Variants in ANK3 observed in about 807,000 individuals in gnomAD.
ANK3 encodes ankyrin-3.
A neutral mutation model predicts 370.9 loss-of-function variants in ANK3; 57 were observed. The ratio of observed to expected loss-of-function variants is 0.15; its 90% CI spans 0.12 to 0.19. ANK3 has a LOEUF of 0.19. Among genes scored for constraint, ANK3 ranks in the 10% least tolerant of loss-of-function variants. The probability of loss-of-function intolerance (pLI) is 1.00; values close to 1 mark genes in which losing one functional copy is unlikely to be tolerated. For missense variants in ANK3, 4,439 were observed against 5,302.1 expected (o/e 0.84, Z 5.06); for synonymous variants, 1,929 against 1,946.3 (o/e 0.99, Z 0.23).
chr10:60,547,549 G>A (rs957311560), intron 2 of ANK3, among the ~76,000 whole-genome samples: 13 of 151,978 alleles, frequency 8.6e-5, no homozygotes, highest in African/African-American at 1.9e-4. Context: ...ACAGGTATGC[G>A]CCACCACGCC....
chr10:60,265,595 G>A (rs551337926), intron 5 of ANK3, among the ~76,000 whole-genome samples: 1 of 151,960 alleles, frequency 6.6e-6, no homozygotes, highest in African/African-American at 2.4e-5. Context: ...CTAGAGAACT[G>A]GCATGCAAGT....
chr10:60,367,248 C>T (rs775986124), intron 1 of ANK3, among the ~76,000 whole-genome samples: 1 of 152,172 alleles, frequency 6.6e-6, no homozygotes, highest in Non-Finnish European at 1.5e-5. Flanking sequence ...TGACATCTGA[C>T]GGAAGACTTG....
intron 25 of ANK3, among the ~76,000 whole-genome samples, chr10:60,122,705 A>G (rs1390924417): frequency 6.6e-6 from 1 of 152,190 alleles, no homozygotes; most frequent in Admixed American, 6.6e-5. Flanking sequence ...GAATTATCAT[A>G]ATGTCTCCTT....
chr10:60,228,301 C>T (rs377725404), intron 8 of ANK3, among the ~76,000 whole-genome samples: 7 of 152,032 alleles, frequency 4.6e-5, no homozygotes, highest in East Asian at 1.9e-4. Flanking sequence ...TTTGGGAGGC[C>T]GAGGTGGGCG....
intron 2 of ANK3, among the ~76,000 whole-genome samples, chr10:60,452,786 C>A (rs1044807042): frequency 1.3e-5 from 2 of 152,182 alleles, no homozygotes; most frequent in African/African-American, 2.4e-5. Flanking sequence ...CATTTGATTT[C>A]TCCCTTTATT....
At chr10:60,240,674 C>T (rs1238158819) in intron 7 of ANK3, among the ~76,000 whole-genome samples, 2 of 152,130 alleles carry the variant, frequency 1.3e-5, no homozygotes, top group African/African-American at 4.8e-5. Flanking sequence ...TCACTGCAAC[C>T]TCCATCTCCC....
chr10:60,279,096 A>G lies in ANK3; in HGVS notation c.269T>C (p.Val90Ala). Reference sequence around the variant, plus strand: ...GGCTTCTCTCTGCAGCAGCTCAGAAACAACCTCTACATGGCCTTCTTTGGA... The same window carrying G: ...GGCTTCTCTCTGCAGCAGCTCAGAAGCAACCTCTACATGGCCTTCTTTGGA... Reference protein sequence around the residue: ...LASKEGHVEVVSELLQREANV... With the variant: ...LASKEGHVEVASELLQREANV... Residue 90 changes from valine to alanine, a missense_variant, in exon 3 of 44, where the codon GTT (valine) becomes GCT (alanine). Physicochemically the swap from Val to Ala is moderately conservative, Grantham distance 64. Transcript: ENST00000280772. The G allele has an allele frequency of 6.2e-7, 1 of 1,613,956 alleles. No individual in the cohort carries two copies.
At chr10:60,640,877 T>C (rs1403424192) in intron 1 of ANK3, among the ~76,000 whole-genome samples, 2 of 89,884 alleles carry the variant, frequency 2.2e-5, no homozygotes, top group Non-Finnish European at 4.9e-5. Flanking sequence ...CATGATTGTA[T>C]GTCTAGAAAA....
intron 42 of ANK3, chr10:60,051,513 C>A (rs1476148169): frequency 1.0e-6 from 1 of 985,634 alleles, no homozygotes; most frequent in Non-Finnish European, 1.2e-6. Context: ...CGGGTAGTGA[C>A]TCTCCGCTCT....
chr10:60,314,040 T>C (rs1194312692), intron 1 of ANK3, among the ~76,000 whole-genome samples: 1 of 152,262 alleles, frequency 6.6e-6, no homozygotes, highest in East Asian at 1.9e-4. Context: ...GACAAAAAGT[T>C]ACCTATTGGT....
intron 2 of ANK3, among the ~76,000 whole-genome samples, chr10:60,494,212 T>G (rs1352683252): frequency 2.0e-5 from 3 of 152,198 alleles, no homozygotes; most frequent in Admixed American, 6.5e-5. Flanking sequence ...TCAAGATTTC[T>G]ATTACTTGAA....
chr10:60,226,457 G>GTATATATACATAGTATATATACTA (rs2097146126), intron 8 of ANK3, among the ~76,000 whole-genome samples: 2 of 108,008 alleles, frequency 1.9e-5, no homozygotes, highest in Non-Finnish European at 3.5e-5. Flanking sequence ...ATAAAATATA[G>GTATATATACATAGTATATATACTA]TATATATACA....
intron 1 of ANK3, among the ~76,000 whole-genome samples, chr10:60,653,684 A>G (rs187441742): frequency 1.5e-3 from 226 of 152,296 alleles, no homozygotes; most frequent in Non-Finnish European, 4.3e-4. Context: ...CCTGGCTAAC[A>G]CAATGAAACC....
At chr10:60,076,551 T>C (rs2083873143) in intron 36 of ANK3, 103 bp from the exon 37 acceptor site, 2 of 1,394,990 alleles carry the variant, frequency 1.4e-6, no homozygotes. Flanking sequence ...CTTTGAAATA[T>C]TACAAAAGCA....
In ANK3 at chr10:60,278,849, G is replaced by T. The variant is rs1053271709; in HGVS notation, c.339C>A (p.Ile113=). The T allele has an allele frequency of 6.2e-7, 1 of 1,613,896 alleles. No homozygotes were observed. Among genetic ancestry groups the T allele is most frequent in the South Asian group, 1.1e-5 (1 of 91,074 alleles). ...CCTCTGCTTGCCCAGCCAAAGATGC[G>T]ATGTGCAATGCTGTGTTTCCTTTCT... The part of the protein sequence containing the change: ...ATKKGNTALH[I]ASLAGQAEVV... The change falls in exon 4 of 44, where the codon ATC becomes ATA. Residue 113 remains isoleucine, a synonymous_variant. Transcript: ENST00000280772.
intron 2 of ANK3, among the ~76,000 whole-genome samples, chr10:60,488,007 A>T (rs945035295): frequency 6.6e-5 from 10 of 152,112 alleles, no homozygotes; most frequent in Non-Finnish European, 1.2e-4. Flanking sequence ...AACCCTGGGC[A>T]TCTCATCAAA....
At chr10:60,517,962 T>C (rs1274945889) in intron 2 of ANK3, among the ~76,000 whole-genome samples, 2 of 152,136 alleles carry the variant, frequency 1.3e-5, no homozygotes, top group Admixed American at 6.5e-5. Context: ...GCTCCTATTA[T>C]GCATCTCATC....
At chr10:60,600,498 G>C (rs2078045880) in intron 2 of ANK3, among the ~76,000 whole-genome samples, 1 of 151,888 alleles carries the variant, frequency 6.6e-6, no homozygotes, top group Non-Finnish European at 1.5e-5. Context: ...CCTGCTTTCT[G>C]GTTTTTTTCT....
intron 28 of ANK3, among the ~76,000 whole-genome samples, chr10:60,098,926 C>T (rs902719877): frequency 2.6e-5 from 4 of 152,022 alleles, no homozygotes; most frequent in Non-Finnish European, 5.9e-5. Flanking sequence ...CTTGTTTTTC[C>T]CTCCAGTTTT....
Sources: allele counts gnomAD v4.1 joint callset (sites outside exome capture counted in the v4.1 genomes callset), GRCh38; gene constraint gnomAD v4.1.1; transcripts MANE v1.5; gene names NCBI Gene and HGNC (gene_info 2026-07-23, HGNC 2026-07-21).